Variants in CRIPTO observed in about 807,000 individuals in gnomAD.
CRIPTO encodes the protein protein Cripto.
At chr3:46,577,930 G>A in the CRIPTO span, 1 of 1,610,300 alleles carries the variant, frequency 6.2e-7, no homozygotes. Flanking sequence ...CTGAATTAAA[G>A]CGATGCTAAC....
the CRIPTO span, chr3:46,579,013 T>C: frequency 2.0e-6 from 3 of 1,470,784 alleles, no homozygotes; most frequent in Non-Finnish European, 2.9e-6. Flanking sequence ...GTCTTGTCCT[T>C]GTGATGAGAG....
At chr3:46,579,470 G>A in the CRIPTO span, 1 of 1,583,918 alleles carries the variant, frequency 6.3e-7, no homozygotes, top group Non-Finnish European at 8.7e-7. Flanking sequence ...TTCTGGAACT[G>A]TGCAGGTGCT....
the CRIPTO span, chr3:46,579,993 G>A: frequency 1.2e-6 from 2 of 1,614,262 alleles, no homozygotes; most frequent in South Asian, 1.1e-5. Context: ...TGCCCAAGAA[G>A]TGTTCCCTGT....
the CRIPTO span, chr3:46,579,018 T>C: frequency 1.3e-6 from 2 of 1,501,808 alleles, no homozygotes; most frequent in African/African-American, 2.8e-5. Flanking sequence ...GTCCTTGTGA[T>C]GAGAGGACCT....
the CRIPTO span, chr3:46,579,109 T>C: frequency 2.5e-6 from 4 of 1,614,216 alleles, no homozygotes; most frequent in East Asian, 4.5e-5. Context: ...ATTTGGATCA[T>C]GGCCATTTCT....
the CRIPTO span, chr3:46,581,906 A>G: frequency 6.4e-6 from 1 of 155,924 alleles, no homozygotes; most frequent in Non-Finnish European, 1.4e-5. Flanking sequence ...GACTAATTCT[A>G]ATGTGGACCT....
chr3:46,578,466 G>A, the CRIPTO span, among the ~76,000 whole-genome samples: 5 of 151,978 alleles, frequency 3.3e-5, no homozygotes, highest in African/African-American at 1.2e-4. Context: ...TGTAATCCTA[G>A]CACTTTGGGA....
At chr3:46,581,079 G>A in the CRIPTO span, 1 of 1,350,456 alleles carries the variant, frequency 7.4e-7, no homozygotes, top group East Asian at 2.3e-5. Flanking sequence ...GTGGGCAGCA[G>A]GATGAACTGC....
the CRIPTO span, among the ~76,000 whole-genome samples, chr3:46,580,885 T>A: frequency 6.6e-6 from 1 of 152,160 alleles, no homozygotes; most frequent in African/African-American, 2.4e-5. Context: ...AGGTGTTTGA[T>A]AAGTGTGGGT....
chr3:46,581,231 C>G, the CRIPTO span: 1 of 1,613,368 alleles, frequency 6.2e-7, no homozygotes, highest in Non-Finnish European at 8.5e-7. Flanking sequence ...ATCTGCCTTT[C>G]TATACAAAGC....
At chr3:46,574,866 A>AT in the CRIPTO span, among the ~76,000 whole-genome samples, 1 of 152,188 alleles carries the variant, frequency 6.6e-6, no homozygotes, top group East Asian at 1.9e-4. Context: ...TCAAATGCTT[A>AT]TTTGTGTGAT....
chr3:46,582,092 C>A, the CRIPTO span: 3 of 152,054 alleles, frequency 2.0e-5, no homozygotes, highest in African/African-American at 7.2e-5. Context: ...GGTTGAAAAA[C>A]AAAATGGGTT....
At chr3:46,579,408 A>G in the CRIPTO span, 1 of 1,613,844 alleles carries the variant, frequency 6.2e-7, no homozygotes, top group Non-Finnish European at 8.5e-7. Flanking sequence ...CTGGCCCTTC[A>G]TGTGTCTCCT....
chr3:46,577,910 G>C, the CRIPTO span: 1 of 1,550,674 alleles, frequency 6.4e-7, no homozygotes, highest in Non-Finnish European at 8.9e-7. Flanking sequence ...TGGCTGTTTT[G>C]GCAATGACTC....
At chr3:46,575,919 G>A in the CRIPTO span, among the ~76,000 whole-genome samples, 1 of 152,170 alleles carries the variant, frequency 6.6e-6, no homozygotes, top group African/African-American at 2.4e-5. Flanking sequence ...TGCAGCTCCA[G>A]GGCTAGCCTT....
At chr3:46,576,210 C>T in the CRIPTO span, among the ~76,000 whole-genome samples, 1 of 152,186 alleles carries the variant, frequency 6.6e-6, no homozygotes, top group Non-Finnish European at 1.5e-5. Context: ...TAGCTCATGC[C>T]TGTAATCCCA....
the CRIPTO span, among the ~76,000 whole-genome samples, chr3:46,575,095 G>A: frequency 6.6e-6 from 1 of 152,202 alleles, no homozygotes; most frequent in Non-Finnish European, 1.5e-5. Context: ...CTGGAGGCTG[G>A]CCAGCAGCCC....
the CRIPTO span, chr3:46,577,994 T>C: frequency 6.2e-7 from 1 of 1,614,262 alleles, no homozygotes; most frequent in South Asian, 1.1e-5. Flanking sequence ...GATGGCCCGC[T>C]TCTCTTACAG....
At chr3:46,578,748 G>A in the CRIPTO span, among the ~76,000 whole-genome samples, 5,437 of 152,168 alleles carry the variant, frequency 0.036, 218 homozygotes, top group East Asian at 0.16. Context: ...ATGATTCATC[G>A]GTAACATGGG....
Sources: allele counts gnomAD v4.1 joint callset (sites outside exome capture counted in the v4.1 genomes callset), GRCh38; gene constraint gnomAD v4.1.1; transcripts MANE v1.5; gene names NCBI Gene and HGNC (gene_info 2026-07-23, HGNC 2026-07-21).